NFIB: variants seen among roughly 807,000 people sequenced by gnomAD.
NFIB encodes nuclear factor I B.
A neutral mutation model predicts 61.5 loss-of-function variants in NFIB; 11 were observed. The observed-to-expected ratio is 0.18, with a 90% CI of 0.11 to 0.30. The LOEUF is 0.30. NFIB is among the 10% of genes least tolerant of loss of function. The pLI is 1.00. For synonymous variants in NFIB, 260 were observed against 216.5 expected (o/e 1.20, Z -1.76); for missense variants, 471 against 608.9 (o/e 0.77, Z 2.38).
chr9:14,394,279 A>G (rs2061657703), intron 1 of NFIB, among the ~76,000 whole-genome samples: 1 of 152,240 alleles, frequency 6.6e-6, no homozygotes, highest in South Asian at 2.1e-4. Flanking sequence ...ATGCTCATAG[A>G]GTAATGATTC....
chr9:14,266,464 C>A (rs1016793398), intron 2 of NFIB, among the ~76,000 whole-genome samples: 4 of 151,888 alleles, frequency 2.6e-5, no homozygotes, highest in African/African-American at 4.8e-5. Context: ...GTATTGTGTC[C>A]CATGCCTGTG....
intron 1 of NFIB, among the ~76,000 whole-genome samples, chr9:14,376,785 TG>T (rs1176104251): frequency 6.6e-6 from 1 of 152,112 alleles, no homozygotes; most frequent in African/African-American, 2.4e-5. Flanking sequence ...CCCAAGGTGC[TG>T]GGATTACAGG....
chr9:14,289,122 G>GTGTATATATA (rs1554703228), intron 2 of NFIB, among the ~76,000 whole-genome samples: 10 of 139,912 alleles, frequency 7.1e-5, no homozygotes, highest in African/African-American at 2.6e-4. Context: ...GTGTGTATAT[G>GTGTATATATA]TATATATATA....
At chr9:14,519,818 C>G in the NFIB span, among the ~76,000 whole-genome samples, 7 of 152,208 alleles carry the variant, frequency 4.6e-5, no homozygotes, top group Non-Finnish European at 1.0e-4. Context: ...GTTTACCTAG[C>G]TGGGCAATGG....
chr9:14,123,234 A>T (rs1423163238), intron 7 of NFIB, among the ~76,000 whole-genome samples: 2 of 150,662 alleles, frequency 1.3e-5, no homozygotes, highest in African/African-American at 2.5e-5. Context: ...TCCAGCCTGG[A>T]GTAAGACCCT....
chr9:14,381,073 C>CAGA (rs2061483184), intron 1 of NFIB, among the ~76,000 whole-genome samples: 1 of 82,562 alleles, frequency 1.2e-5, no homozygotes, highest in African/African-American at 4.0e-5. Flanking sequence ...GACTCCGTCT[C>CAGA]AAAAAAAAAA....
intron 2 of NFIB, among the ~76,000 whole-genome samples, chr9:14,259,534 A>G (rs1260449949): frequency 6.6e-6 from 1 of 152,154 alleles, no homozygotes. Flanking sequence ...GCATGGGCCC[A>G]TGGGGCTTAG....
chr9:14,511,139 C>CA, the NFIB span, among the ~76,000 whole-genome samples: 1 of 152,128 alleles, frequency 6.6e-6, no homozygotes, highest in Non-Finnish European at 1.5e-5. Context: ...TTCCCACTAG[C>CA]AATGCTTCTT....
chr9:14,168,683 G>C (rs571725622), intron 3 of NFIB, among the ~76,000 whole-genome samples: 25 of 152,280 alleles, frequency 1.6e-4, no homozygotes, highest in African/African-American at 6.0e-4. Flanking sequence ...AAGACATGAG[G>C]CAAAATATCG....
the NFIB span, among the ~76,000 whole-genome samples, chr9:14,470,764 C>A: frequency 6.6e-6 from 1 of 152,138 alleles, no homozygotes; most frequent in Non-Finnish European, 1.5e-5. Context: ...GAGGAAACAC[C>A]TAAAAGAAGA....
chr9:14,439,268 G>A, the NFIB span, among the ~76,000 whole-genome samples: 1 of 152,130 alleles, frequency 6.6e-6, no homozygotes, highest in Non-Finnish European at 1.5e-5. Flanking sequence ...TACTTGGGAG[G>A]CTGAGGTGGG....
chr9:14,155,763 C>T (rs1038825568), intron 4 of NFIB, 62 bp downstream of exon 4: 18 of 1,055,130 alleles, frequency 1.7e-5, no homozygotes, highest in Non-Finnish European at 2.5e-5. Context: ...ATTTAAGGTT[C>T]AAAATATAAA....
the NFIB span, among the ~76,000 whole-genome samples, chr9:14,427,968 A>T: frequency 3.0e-3 from 11 of 3,662 alleles, no homozygotes; most frequent in Non-Finnish European, 7.9e-4. Context: ...TTTTTTTGGC[A>T]GGATCTCACT....
At chr9:14,455,489 G>T in the NFIB span, among the ~76,000 whole-genome samples, 1 of 152,174 alleles carries the variant, frequency 6.6e-6, no homozygotes, top group Non-Finnish European at 1.5e-5. Flanking sequence ...TAGTGGAGGG[G>T]TGAGAGGAGG....
Position 14,372,111 on chromosome 9 carries a change from GT to G in NFIB, c.108+26412del, listed in dbSNP as rs35953563. On this transcript the variant is annotated intron_variant, in intron 1 of 8. Coordinates refer to the NFIB transcript ENST00000380934. ...TCTGAATGTCAGCCCTGCCAAAACTGTTTTTTTTTTCAAAGTGGAGATAGAT... is the reference window on the plus strand; with the variant it reads ...TCTGAATGTCAGCCCTGCCAAAACTGTTTTTTTTTCAAAGTGGAGATAGAT... Among the ~76,000 whole-genome samples, 102 of 145,676 alleles carry G rather than the reference GT, an allele frequency of 7.0e-4. 1 individual carries two copies. In the East Asian group the frequency reaches 0.014, roughly 20 times the overall value.
At chr9:14,428,398 T>C in the NFIB span, among the ~76,000 whole-genome samples, 1 of 152,106 alleles carries the variant, frequency 6.6e-6, no homozygotes, top group Non-Finnish European at 1.5e-5. Flanking sequence ...TGAGGAGAAA[T>C]GGCTCAGGTC....
the NFIB span, among the ~76,000 whole-genome samples, chr9:14,432,242 G>A: frequency 3.9e-5 from 6 of 152,334 alleles, no homozygotes; most frequent in African/African-American, 1.4e-4. Flanking sequence ...AAAGGCAGGA[G>A]TTGCTGCTGG....
chr9:14,202,342 T>C (rs759402849), intron 2 of NFIB, among the ~76,000 whole-genome samples: 15 of 152,178 alleles, frequency 9.9e-5, no homozygotes, highest in Non-Finnish European at 2.1e-4. Flanking sequence ...TATAAAATAA[T>C]GAGACCACAG....
chr9:14,529,738 T>C, the NFIB span, among the ~76,000 whole-genome samples: 1 of 152,090 alleles, frequency 6.6e-6, no homozygotes, highest in Non-Finnish European at 1.5e-5. Flanking sequence ...TAAAACAGAA[T>C]GGTCCCAATA....
Sources: allele counts gnomAD v4.1 joint callset (sites outside exome capture counted in the v4.1 genomes callset), GRCh38; gene constraint gnomAD v4.1.1; transcripts MANE v1.5; gene names NCBI Gene and HGNC (gene_info 2026-07-23, HGNC 2026-07-21).